The following EXOSC7 variants were observed in gnomAD, a reference collection of about 807,000 sequenced individuals.
The protein encoded by EXOSC7 is exosome complex component RRP42.
A neutral mutation model predicts 34.3 loss-of-function variants in EXOSC7; 25 were observed. The ratio of observed to expected loss-of-function variants is 0.73; its 90% CI spans 0.53 to 1.02. EXOSC7 has a LOEUF of 1.02. EXOSC7 is among the 50% of genes least tolerant of loss of function. EXOSC7 has a pLI of 0.00. For missense variants in EXOSC7, 370 were observed against 368.5 expected, an observed-to-expected ratio of 1.00 and a Z score of -0.03; for synonymous variants, 130 against 143.0, an observed-to-expected ratio of 0.91 and a Z score of 0.65.
chr3:44,985,524 T>C (rs1326592975), intron 1 of EXOSC7, among the ~76,000 whole-genome samples: 1 of 151,944 alleles, frequency 6.6e-6, no homozygotes, highest in Admixed American at 6.6e-5. Flanking sequence ...ATGGTGAGTG[T>C]TACAGCTCTT....
intron 3 of EXOSC7, among the ~76,000 whole-genome samples, chr3:44,994,897 GTGTGTGTGTT>G (rs1355183934): frequency 1.0e-3 from 121 of 115,506 alleles, no homozygotes; most frequent in South Asian, 3.0e-3. Flanking sequence ...GTGTGTGTGT[GTGTGTGTGTT>G]TTAAGCCATT....
Position 44,976,253 on chromosome 3 carries a change from G to A in EXOSC7, c.-25G>A, listed in dbSNP as rs1054713749. On this transcript the variant is annotated 5_prime_UTR_variant, in exon 1 of 8. Coordinates refer to ENST00000265564, the MANE Select transcript of EXOSC7 (RefSeq NM_015004.4). Reference sequence around the variant, plus strand: ...AGGAGGGGACGCGCGCAGATGACGTGCGGCTCGTGGGGCAGCTCGGCAGCA... The same window carrying A: ...AGGAGGGGACGCGCGCAGATGACGTACGGCTCGTGGGGCAGCTCGGCAGCA... The A allele has an allele frequency of 2.0e-6, 3 of 1,536,358 alleles. No homozygotes were observed. The highest frequency in any genetic ancestry group is 2.6e-6 in the Non-Finnish European group (3 of 1,148,612).
Position 44,979,012 on chromosome 3 carries a change from T to C in EXOSC7, c.57+2678T>C, listed in dbSNP as rs79939236. Among the ~76,000 whole-genome samples, 602 of 152,354 alleles carry C rather than the reference T, an allele frequency of 4.0e-3. 3 individuals carry two copies. The highest frequency in any genetic ancestry group is 0.012 in the African/African-American group (503 of 41,582). On this transcript the variant is annotated intron_variant, in intron 1 of 7. Transcript: ENST00000265564. ...TTAAACCTCCCTCTCACCAGTACCA[T>C]GGACATATTTGGGCACAGTTGTTGG...
At chr3:44,995,211 G>A (rs944638083) in intron 3 of EXOSC7, among the ~76,000 whole-genome samples, 6 of 152,058 alleles carry the variant, frequency 3.9e-5, no homozygotes, top group African/African-American at 7.3e-5. Flanking sequence ...TCGAACCCCC[G>A]ACCTCAGGTG....
At position 45,001,239 on chromosome 3, in the gene EXOSC7, G is replaced by A. The variant is rs189136730; in HGVS notation, c.421-299G>A. Among the ~76,000 whole-genome samples, 112 of 152,114 alleles carry A rather than the reference G, an allele frequency of 7.4e-4. 4 individuals are homozygous for A. In the East Asian group the frequency reaches 0.021, roughly 29 times the overall value. On this transcript the variant is annotated intron_variant, in intron 4 of 7. Coordinates refer to ENST00000265564, the MANE Select transcript of EXOSC7 (RefSeq NM_015004.4). ...AGGCTGAGGTAGGCGGATCACTTTT[G>A]GTCAGGAGTTCAAGACCAGCCTGGC...
At chr3:45,006,908 G>A (rs1336943540) in intron 6 of EXOSC7, among the ~76,000 whole-genome samples, 1 of 149,990 alleles carries the variant, frequency 6.7e-6, no homozygotes, top group Non-Finnish European at 1.5e-5. Flanking sequence ...TATTTTTGGT[G>A]GAGACAGGGT....
In EXOSC7 at chr3:45,008,971, T is replaced by C. The variant is rs185004280; in HGVS notation, c.771+1396T>C. Among the ~76,000 whole-genome samples, 6 of 152,352 alleles carry C rather than the reference T, an allele frequency of 3.9e-5. No individual in the cohort carries two copies. In the East Asian group the frequency reaches 7.7e-4, roughly 20 times the overall value. ...TCAACAACCTGTGAGGTAACTATTATTATTGTCCTCATTTTTACAGATGAG... is the reference window on the plus strand; with the variant it reads ...TCAACAACCTGTGAGGTAACTATTACTATTGTCCTCATTTTTACAGATGAG... On this transcript the variant is annotated intron_variant, in intron 7 of 7. Transcript: ENST00000265564.
chr3:44,991,344 A>T (rs1326168384), intron 3 of EXOSC7, among the ~76,000 whole-genome samples: 1 of 152,004 alleles, frequency 6.6e-6, no homozygotes, highest in Non-Finnish European at 1.5e-5. Flanking sequence ...GATGATGGTG[A>T]CCTTGTTCAA....
chr3:44,996,351 A>C (rs1706721839), intron 3 of EXOSC7, among the ~76,000 whole-genome samples: 1 of 152,218 alleles, frequency 6.6e-6, no homozygotes, highest in Non-Finnish European at 1.5e-5. Context: ...TAGGGTGGCT[A>C]ATGTTGAATC....
chr3:45,005,796 G>T (rs1707020994), intron 6 of EXOSC7, among the ~76,000 whole-genome samples: 1 of 152,156 alleles, frequency 6.6e-6, no homozygotes, highest in Non-Finnish European at 1.5e-5. Context: ...TATGAAATGG[G>T]AGGTTGGAGC....
Position 44,976,300 on chromosome 3 carries a change from A to C in EXOSC7, c.23A>C (p.Glu8Ala), listed in dbSNP as rs140839510. Reference sequence around the variant, plus strand: ...AGCATGGCGTCCGTGACGCTGAGCGAGGCGGAGAAGGTGTACATCGTGCAT... The same window carrying C: ...AGCATGGCGTCCGTGACGCTGAGCGCGGCGGAGAAGGTGTACATCGTGCAT... MASVTLS[E>A]AEKVYIVHGV... The change falls in exon 1 of 8, where the codon GAG becomes GCG. Residue 8 changes from glutamate (E) to alanine (A), a missense_variant. Around this residue, in one of 3 missense-constraint regions of EXOSC7, gnomAD observed 95 missense variants for 79.8 expected, o/e 1.19. Coordinates refer to ENST00000265564, the MANE Select transcript of EXOSC7 (RefSeq NM_015004.4). 1 of 1,561,796 alleles carries C rather than the reference A, an allele frequency of 6.4e-7. No individual in the cohort carries two copies. The highest frequency in any genetic ancestry group is 1.2e-5 in the South Asian group (1 of 84,942).
At chr3:44,988,790 A>G (rs4683016) in intron 1 of EXOSC7, among the ~76,000 whole-genome samples, 93,628 of 151,976 alleles carry the variant, frequency 0.62, 29,864 homozygotes, top group East Asian at 0.9. Context: ...TTGCAGATTT[A>G]GAGAGAGGTG....
At chr3:44,992,929 A>G (rs1706611951) in intron 3 of EXOSC7, among the ~76,000 whole-genome samples, 1 of 152,188 alleles carries the variant, frequency 6.6e-6, no homozygotes, top group South Asian at 2.1e-4. Flanking sequence ...CGCACTTGTC[A>G]CTTCCCTTTG....
chr3:44,995,449 G>A (rs998538109), intron 3 of EXOSC7, among the ~76,000 whole-genome samples: 3 of 152,226 alleles, frequency 2.0e-5, no homozygotes, highest in African/African-American at 4.8e-5. Context: ...AACATTTTGA[G>A]TGTAAGCATC....
intron 1 of EXOSC7, among the ~76,000 whole-genome samples, chr3:44,977,897 C>T (rs1706150735): frequency 6.6e-6 from 1 of 152,208 alleles, no homozygotes; most frequent in Non-Finnish European, 1.5e-5. Context: ...AAGGTTAGAG[C>T]TTTCTCCCCA....
chr3:44,978,759 G>T (rs1706192763), intron 1 of EXOSC7, among the ~76,000 whole-genome samples: 1 of 152,198 alleles, frequency 6.6e-6, no homozygotes, highest in African/African-American at 2.4e-5. Context: ...GGGGGAAATG[G>T]TGGAAGATCA....
chr3:44,988,923 A>G (rs553518580), intron 1 of EXOSC7, among the ~76,000 whole-genome samples: 7 of 152,350 alleles, frequency 4.6e-5, no homozygotes, highest in African/African-American at 1.7e-4. Flanking sequence ...CACTAGCTGT[A>G]GGACCTTGGA....
chr3:44,996,866 TCA>T (rs781721685), intron 3 of EXOSC7, among the ~76,000 whole-genome samples: 11 of 152,224 alleles, frequency 7.2e-5, no homozygotes, highest in Non-Finnish European at 1.2e-4. Context: ...GGAAATCCCA[TCA>T]CACACACTGA....
chr3:44,987,076 A>G (rs1373772336), intron 1 of EXOSC7, among the ~76,000 whole-genome samples: 3 of 108,768 alleles, frequency 2.8e-5, no homozygotes, highest in African/African-American at 7.6e-5. Flanking sequence ...TTTCCTGCAT[A>G]TATATAGTTA....
Sources: gnomAD v4.1 joint callset for allele counts (sites outside exome capture counted in the v4.1 genomes callset) on GRCh38, gnomAD v4.1.1 for gene constraint, gnomAD v4.1.1 regional missense constraint, MANE v1.5 for transcripts, NCBI Gene and HGNC (gene_info 2026-07-23, HGNC 2026-07-21) for gene names.